The following STXBP4 variants were observed in gnomAD, a reference collection of about 807,000 sequenced individuals.
STXBP4 encodes the protein syntaxin-binding protein 4.
A neutral mutation model predicts 76.1 loss-of-function variants in STXBP4; 55 were observed. That is an observed-to-expected ratio of 0.72 (90% CI 0.58 to 0.91). STXBP4 has a LOEUF of 0.91. Ranked by LOEUF, STXBP4 falls within the 40% of genes least tolerant of loss-of-function variation. The pLI is 0.00. For synonymous variants in STXBP4, 201 were observed against 220.2 expected, an observed-to-expected ratio of 0.91 and a Z score of 0.77; for missense variants, 618 against 636.9, an observed-to-expected ratio of 0.97 and a Z score of 0.32.
chr17:55,138,488 G>A (rs867887368), intron 16 of STXBP4, among the ~76,000 whole-genome samples: 1 of 152,068 alleles, frequency 6.6e-6, no homozygotes, highest in Non-Finnish European at 1.5e-5. Context: ...TGAAGATTTT[G>A]GAGTCATCAC....
intron 12 of STXBP4, among the ~76,000 whole-genome samples, chr17:55,060,166 C>T (rs1678828531): frequency 6.6e-6 from 1 of 152,014 alleles, no homozygotes; most frequent in South Asian, 2.1e-4. Context: ...AAAATCAACC[C>T]TGAAAGTGTC....
the STXBP4 span, among the ~76,000 whole-genome samples, chr17:55,212,934 C>T: frequency 2.6e-5 from 4 of 152,240 alleles, no homozygotes; most frequent in African/African-American, 7.2e-5. Context: ...ACGGAGGACA[C>T]GCATGAACCC....
chr17:55,129,198 G>T (rs988646574), intron 16 of STXBP4, among the ~76,000 whole-genome samples: 1 of 151,992 alleles, frequency 6.6e-6, no homozygotes, highest in African/African-American at 2.4e-5. Flanking sequence ...AAAGGGCTGG[G>T]ATTATAGGCG....
chr17:55,101,470 T>A (rs1198934363), intron 16 of STXBP4, among the ~76,000 whole-genome samples: 2 of 152,184 alleles, frequency 1.3e-5, no homozygotes, highest in African/African-American at 4.8e-5. Flanking sequence ...CTGAGAGAAA[T>A]AGCTCTCCCT....
At chr17:54,974,221 T>G (rs918953355) in intron 1 of STXBP4, among the ~76,000 whole-genome samples, 1 of 152,214 alleles carries the variant, frequency 6.6e-6, no homozygotes, top group African/African-American at 2.4e-5. Flanking sequence ...AACTGTTTAT[T>G]TGGTAGCTAT....
At chr17:55,086,405 A>T (rs1442812180) in intron 16 of STXBP4, among the ~76,000 whole-genome samples, 3 of 152,110 alleles carry the variant, frequency 2.0e-5, no homozygotes, top group Non-Finnish European at 4.4e-5. Context: ...GGGAACATTC[A>T]ATATCCTCCT....
At chr17:55,011,808 C>T (rs955422093) in intron 8 of STXBP4, among the ~76,000 whole-genome samples, 6 of 152,038 alleles carry the variant, frequency 3.9e-5, no homozygotes, top group South Asian at 2.1e-4. Flanking sequence ...GATTCTTAGT[C>T]GGCCTAGGAA....
the STXBP4 span, among the ~76,000 whole-genome samples, chr17:55,204,706 C>T: frequency 2.0e-5 from 3 of 151,968 alleles, no homozygotes; most frequent in African/African-American, 7.2e-5. Flanking sequence ...GTTTTTCAGG[C>T]ACCAAATGAC....
At chr17:55,048,513 A>G (rs2078819929) in intron 12 of STXBP4, among the ~76,000 whole-genome samples, 2 of 151,882 alleles carry the variant, frequency 1.3e-5, no homozygotes, top group African/African-American at 4.8e-5. Context: ...AGAAAAATGT[A>G]ACGTCACACT....
chr17:55,014,549 A>G (rs990840145), intron 8 of STXBP4, among the ~76,000 whole-genome samples: 2 of 152,170 alleles, frequency 1.3e-5, no homozygotes, highest in Non-Finnish European at 2.9e-5. Context: ...AGAAGGCCAC[A>G]CCAGTGTCCA....
chr17:54,968,957 A>T, intron 1 of STXBP4, 142 bp downstream of exon 1: 1 of 277,948 alleles, frequency 3.6e-6, no homozygotes, highest in Middle Eastern at 1.2e-3. Context: ...CTTTATTTAA[A>T]CTCCACCAGC....
intron 16 of STXBP4, among the ~76,000 whole-genome samples, chr17:55,117,823 G>A (rs756662344): frequency 4.6e-5 from 7 of 151,838 alleles, no homozygotes; most frequent in African/African-American, 9.7e-5. Context: ...TCCATCAGTC[G>A]TATCATCACT....
intron 16 of STXBP4, among the ~76,000 whole-genome samples, chr17:55,083,017 A>C (rs2079276913): frequency 6.6e-6 from 1 of 151,870 alleles, no homozygotes; most frequent in Admixed American, 6.6e-5. Flanking sequence ...GCTGGAGTGC[A>C]GTGGCTCGAT....
chr17:55,066,316 C>G (rs2079050814), intron 12 of STXBP4, among the ~76,000 whole-genome samples: 1 of 152,010 alleles, frequency 6.6e-6, no homozygotes, highest in Non-Finnish European at 1.5e-5. Flanking sequence ...CTCCACCTCT[C>G]AAATTCAAGA....
intron 12 of STXBP4, among the ~76,000 whole-genome samples, chr17:55,048,554 A>G (rs1484100900): frequency 1.3e-5 from 2 of 151,882 alleles, no homozygotes; most frequent in East Asian, 3.8e-4. Context: ...TCAAATAAGC[A>G]TTTGGGCTAT....
intron 1 of STXBP4, among the ~76,000 whole-genome samples, chr17:54,978,344 T>A (rs1187516713): frequency 6.6e-6 from 1 of 151,648 alleles, no homozygotes; most frequent in Non-Finnish European, 1.5e-5. Flanking sequence ...ACATGAAATA[T>A]ATGTACTATG....
chr17:55,198,224 T>C, the STXBP4 span, among the ~76,000 whole-genome samples: 5 of 152,236 alleles, frequency 3.3e-5, no homozygotes, highest in African/African-American at 7.2e-5. Context: ...AGAGATACTC[T>C]TAATTTTCCA....
At chr17:55,154,815 A>G (rs913427579) in intron 17 of STXBP4, among the ~76,000 whole-genome samples, 20 of 152,250 alleles carry the variant, frequency 1.3e-4, no homozygotes, top group African/African-American at 3.8e-4. Context: ...ATATATTACA[A>G]TAGCTTTAGA....
chr17:55,130,021 G>C (rs922215865), intron 16 of STXBP4, among the ~76,000 whole-genome samples: 3 of 152,132 alleles, frequency 2.0e-5, no homozygotes, highest in African/African-American at 7.2e-5. Context: ...ACTTAAGATG[G>C]ACTGAAAATG....
Sources: gnomAD v4.1 joint callset for allele counts (sites outside exome capture counted in the v4.1 genomes callset) on GRCh38, gnomAD v4.1.1 for gene constraint, MANE v1.5 for transcripts, NCBI Gene and HGNC (gene_info 2026-07-23, HGNC 2026-07-21) for gene names.